The following GNB1 variants were observed in gnomAD, a reference collection of about 807,000 sequenced individuals.
GNB1 encodes the protein G protein subunit beta 1.
Under a neutral mutation model 42.9 loss-of-function variants are expected in GNB1, and 2 were observed. The observed-to-expected ratio is 0.05, with a 90% CI of 0.02 to 0.15. GNB1 has a LOEUF of 0.15. GNB1 is among the 10% of genes least tolerant of loss of function. GNB1 has a pLI of 1.00. For missense variants in GNB1, 193 were observed against 462.2 expected (o/e 0.42, Z 5.34); for synonymous variants, 183 against 174.7 (o/e 1.05, Z -0.38).
chr1:1,888,382 A>AAAG (rs541274416), intron 1 of GNB1, among the ~76,000 whole-genome samples: 1 of 149,748 alleles, frequency 6.7e-6, no homozygotes, highest in Non-Finnish European at 1.5e-5. Context: ...AAAAAAAAAA[A>AAAG]GGCGGGCGGG....
intron 3 of GNB1, 64 bp downstream of exon 3, chr1:1,825,333 A>G (rs904653409): frequency 5.1e-6 from 6 of 1,174,932 alleles, no homozygotes; most frequent in East Asian, 2.3e-5. Context: ...ATTTTTCCTA[A>G]AACAAGTAAC....
At chr1:1,799,360 A>AAAGGTG (rs1646593226) in intron 7 of GNB1, among the ~76,000 whole-genome samples, 4 of 152,198 alleles carry the variant, frequency 2.6e-5, no homozygotes, top group Non-Finnish European at 5.9e-5. Context: ...TATTTTCTTG[A>AAAGGTG]GTATTTTTGG....
At chr1:1,886,596 C>CA (rs1334426864) in intron 1 of GNB1, among the ~76,000 whole-genome samples, 1 of 152,260 alleles carries the variant, frequency 6.6e-6, no homozygotes, top group Non-Finnish European at 1.5e-5. Context: ...TTTATCTCCT[C>CA]ATTCTGTGTT....
intron 1 of GNB1, among the ~76,000 whole-genome samples, chr1:1,843,442 G>T (rs1203185626): frequency 6.6e-6 from 1 of 152,088 alleles, no homozygotes; most frequent in Non-Finnish European, 1.5e-5. Context: ...GCGCAGGCTG[G>T]TCTTTAACTC....
intron 5 of GNB1, among the ~76,000 whole-genome samples, chr1:1,813,205 C>G (rs1458838301): frequency 5.3e-5 from 8 of 149,946 alleles, no homozygotes; most frequent in East Asian, 3.9e-4. Context: ...GGTGCAATTT[C>G]GGCTCACAGT....
In GNB1 at chr1:1,789,102, G is replaced by A. The variant is rs771603036; in HGVS notation, c.867C>T (p.Tyr289=). The change falls in exon 10 of 12, where the codon TAC becomes TAT. Residue 289 remains tyrosine, a synonymous_variant. Transcript: ENST00000378609. ...SKSGRLLLAG[Y]DDFNCNVWDA... is the part of the protein sequence containing the mutation. ...CCCAGACGTTGCAGTTGAAGTCGTC[G>A]TACCCAGCAAGGAGGAGGCGCCCGC... 61 of 1,614,048 alleles carry A rather than the reference G, an allele frequency of 3.8e-5. No homozygotes were observed. The East Asian group carries it at 7.8e-4, about 21-fold the overall frequency.
chr1:1,862,618 GCCC>G (rs1238573701), intron 1 of GNB1, among the ~76,000 whole-genome samples: 1 of 151,326 alleles, frequency 6.6e-6, no homozygotes, highest in Non-Finnish European at 1.5e-5. Context: ...GTGCTCTGAT[GCCC>G]CCGATTTTTG....
chr1:1,827,355 C>T (rs776280732), intron 2 of GNB1, among the ~76,000 whole-genome samples: 4 of 152,198 alleles, frequency 2.6e-5, no homozygotes, highest in East Asian at 1.9e-4. Context: ...CACAGCAACA[C>T]GGTGTCAGAA....
chr1:1,811,353 G>A (rs1285727872), intron 5 of GNB1, among the ~76,000 whole-genome samples: 1 of 152,034 alleles, frequency 6.6e-6, no homozygotes, highest in African/African-American at 2.4e-5. Context: ...CTCCCAAAGT[G>A]CTGGGGTTAC....
At chr1:1,877,219 G>C (rs1307373985) in intron 1 of GNB1, among the ~76,000 whole-genome samples, 1 of 151,100 alleles carries the variant, frequency 6.6e-6, no homozygotes, top group African/African-American at 2.4e-5. Context: ...AGAATCGCCT[G>C]AGCTGGGGAG....
chr1:1,808,543 A>ACT (rs1030782063), intron 5 of GNB1, among the ~76,000 whole-genome samples: 2 of 152,236 alleles, frequency 1.3e-5, no homozygotes, highest in Admixed American at 1.3e-4. Context: ...AGAAGGTTCC[A>ACT]CTGTTTGATG....
intron 5 of GNB1, among the ~76,000 whole-genome samples, chr1:1,808,048 C>A (rs932601369): frequency 2.0e-5 from 3 of 151,836 alleles, no homozygotes; most frequent in East Asian, 1.9e-4. Context: ...GCTTTTGTTG[C>A]CCAGGCTGGA....
At chr1:1,886,319 CA>C (rs943347565) in intron 1 of GNB1, among the ~76,000 whole-genome samples, 1 of 151,782 alleles carries the variant, frequency 6.6e-6, no homozygotes, top group Non-Finnish European at 1.5e-5. Context: ...CTCTGTCTCA[CA>C]AAAAAAGCTT....
intron 3 of GNB1, among the ~76,000 whole-genome samples, chr1:1,819,307 C>T (rs1419927059): frequency 5.3e-5 from 8 of 151,768 alleles, no homozygotes; most frequent in Non-Finnish European, 1.2e-4. Flanking sequence ...CCGCAGCCTC[C>T]GCCTCCCAGG....
At chr1:1,858,456 T>C (rs1181033652) in intron 1 of GNB1, among the ~76,000 whole-genome samples, 1 of 152,192 alleles carries the variant, frequency 6.6e-6, no homozygotes, top group Non-Finnish European at 1.5e-5. Context: ...GGGCATCCTA[T>C]GGCCTCCCCT....
At chr1:1,881,024 G>C (rs1649817100) in intron 1 of GNB1, among the ~76,000 whole-genome samples, 1 of 152,154 alleles carries the variant, frequency 6.6e-6, no homozygotes, top group Non-Finnish European at 1.5e-5. Context: ...GGAGTGAACT[G>C]TGCAAACACA....
At chr1:1,855,641 G>A (rs1019858165) in intron 1 of GNB1, among the ~76,000 whole-genome samples, 6 of 151,188 alleles carry the variant, frequency 4.0e-5, no homozygotes, top group African/African-American at 1.2e-4. Flanking sequence ...GGGGGGCGGA[G>A]CCTGCAGTGA....
chr1:1,813,974 T>C (rs1646816305), intron 5 of GNB1, among the ~76,000 whole-genome samples: 2 of 152,214 alleles, frequency 1.3e-5, no homozygotes, highest in Admixed American at 1.3e-4. Context: ...ACTAACAATT[T>C]TGAAACACAC....
At chr1:1,814,916 T>C (rs1370168921) in intron 5 of GNB1, among the ~76,000 whole-genome samples, 1 of 149,666 alleles carries the variant, frequency 6.7e-6, no homozygotes, top group Non-Finnish European at 1.5e-5. Context: ...ATCCAGACCA[T>C]CCTGGCTAAC....
Sources: gnomAD v4.1 joint callset for allele counts (sites outside exome capture counted in the v4.1 genomes callset) on GRCh38, gnomAD v4.1.1 for gene constraint, MANE v1.5 for transcripts, NCBI Gene and HGNC (gene_info 2026-07-23, HGNC 2026-07-21) for gene names.